Variants in KCND2 observed in about 807,000 individuals in gnomAD.
The protein encoded by KCND2 is potassium voltage-gated channel subfamily D member 2, also known as A-type voltage-gated potassium channel KCND2.
KCND2 carries 16 observed loss-of-function variants against 54.4 expected under a neutral mutation model. The ratio of observed to expected loss-of-function variants is 0.29; its 90% confidence interval spans 0.20 to 0.45. The LOEUF (loss-of-function observed/expected upper bound fraction) is 0.45. KCND2 is among the 20% of genes least tolerant of loss of function. KCND2 has a pLI of 1.00. For missense variants in KCND2, 486 were observed against 824.2 expected (o/e 0.59, Z 5.02); for synonymous variants, 317 against 310.7 (o/e 1.02, Z -0.21).
intron 1 of KCND2, among the ~76,000 whole-genome samples, chr7:120,375,755 G>T (rs112075804): frequency 6.6e-6 from 1 of 151,686 alleles, no homozygotes; most frequent in African/African-American, 2.4e-5. Context: ...ATCTATTTGC[G>T]TGGGTGTTGT....
intron 1 of KCND2, among the ~76,000 whole-genome samples, chr7:120,604,834 G>A (rs530035769): frequency 2.6e-5 from 4 of 152,146 alleles, no homozygotes; most frequent in Non-Finnish European, 4.4e-5. Context: ...ATTCATAAAT[G>A]TAACCTCTTA....
intron 1 of KCND2, among the ~76,000 whole-genome samples, chr7:120,493,777 CTG>C (rs757481988): frequency 6.6e-6 from 1 of 152,074 alleles, no homozygotes; most frequent in South Asian, 2.1e-4. Flanking sequence ...GGAGTGGAAA[CTG>C]GTACCACCAC....
chr7:120,295,387 C>CAG (rs1376136472), intron 1 of KCND2, among the ~76,000 whole-genome samples: 5 of 127,316 alleles, frequency 3.9e-5, no homozygotes, highest in African/African-American at 9.8e-5. Flanking sequence ...CACACACACA[C>CAG]ACACAGACAC....
chr7:120,488,391 G>T (rs1181821226), intron 1 of KCND2, among the ~76,000 whole-genome samples: 1 of 152,020 alleles, frequency 6.6e-6, no homozygotes, highest in Admixed American at 6.6e-5. Context: ...CTATAGATTT[G>T]TTTTGTTTTG....
chr7:120,741,634 A>G lies in KCND2; in HGVS notation c.1374+5A>G, dbSNP rs1344571321. 3 of 1,577,202 alleles carry G rather than the reference A, an allele frequency of 1.9e-6. No homozygotes were observed. The highest frequency in any genetic ancestry group is 2.6e-6 in the Non-Finnish European group (3 of 1,146,728). On this transcript the variant is annotated splice_donor_5th_base_variant and intron_variant, in intron 3 of 5. Coordinates refer to ENST00000331113, the MANE Select transcript of KCND2 (RefSeq NM_012281.3). ...TTACTCAGTAATCAGCTGCAGGTAC[A>G]ATCAATTACATCTCTTTTTTTAATG...
intron 1 of KCND2, among the ~76,000 whole-genome samples, chr7:120,638,635 T>A (rs1007328116): frequency 6.6e-6 from 1 of 152,086 alleles, no homozygotes; most frequent in African/African-American, 2.4e-5. Flanking sequence ...TGATGACAAA[T>A]GATTACCTCC....
At chr7:120,510,865 G>A (rs1259612427) in intron 1 of KCND2, among the ~76,000 whole-genome samples, 1 of 150,840 alleles carries the variant, frequency 6.6e-6, no homozygotes, top group Non-Finnish European at 1.5e-5. Flanking sequence ...CCAACCCCTG[G>A]CCACCTCCCC....
At chr7:120,550,291 A>C (rs1237133352) in intron 1 of KCND2, among the ~76,000 whole-genome samples, 1 of 152,062 alleles carries the variant, frequency 6.6e-6, no homozygotes, top group Non-Finnish European at 1.5e-5. Context: ...GAATAGAATT[A>C]TTATTTCTAT....
chr7:120,390,350 G>A (rs1801055163), intron 1 of KCND2, among the ~76,000 whole-genome samples: 2 of 152,026 alleles, frequency 1.3e-5, no homozygotes, highest in South Asian at 2.1e-4. Context: ...GACGATGAAG[G>A]TGATTATGGT....
intron 1 of KCND2, among the ~76,000 whole-genome samples, chr7:120,446,246 GA>G (rs1163730956): frequency 6.6e-6 from 1 of 152,124 alleles, no homozygotes; most frequent in Non-Finnish European, 1.5e-5. Context: ...GCAATTCAGA[GA>G]GATAGAGTTT....
At chr7:120,711,875 TAATC>T (rs1217795583) in intron 1 of KCND2, among the ~76,000 whole-genome samples, 3 of 152,180 alleles carry the variant, frequency 2.0e-5, no homozygotes, top group Non-Finnish European at 2.9e-5. Flanking sequence ...TACTGGGTGA[TAATC>T]AGGCAAGTCA....
At chr7:120,564,190 T>G (rs183838611) in intron 1 of KCND2, among the ~76,000 whole-genome samples, 2 of 152,290 alleles carry the variant, frequency 1.3e-5, no homozygotes, top group African/African-American at 2.4e-5. Context: ...TAAGGCAAAT[T>G]TTAATATATG....
At chr7:120,475,015 AC>A (rs1329694675) in intron 1 of KCND2, among the ~76,000 whole-genome samples, 1 of 152,138 alleles carries the variant, frequency 6.6e-6, no homozygotes, top group Admixed American at 6.5e-5. Flanking sequence ...TAAGGCCTTC[AC>A]TTTTAACAAT....
At chr7:120,576,736 CCA>C (rs1792439244) in intron 1 of KCND2, among the ~76,000 whole-genome samples, 1 of 152,060 alleles carries the variant, frequency 6.6e-6, no homozygotes, top group African/African-American at 2.4e-5. Flanking sequence ...TGAGAAGAAT[CCA>C]CAGATGATTA....
intron 1 of KCND2, among the ~76,000 whole-genome samples, chr7:120,702,050 A>G (rs1468719035): frequency 6.6e-6 from 1 of 152,214 alleles, no homozygotes; most frequent in Non-Finnish European, 1.5e-5. Flanking sequence ...TTCAAAAACT[A>G]TGTACCTGAC....
chr7:120,456,311 A>G (rs545877443), intron 1 of KCND2, among the ~76,000 whole-genome samples: 1 of 152,210 alleles, frequency 6.6e-6, no homozygotes, highest in Non-Finnish European at 1.5e-5. Flanking sequence ...CTCTACCATG[A>G]ACCCATCTCT....
At chr7:120,351,767 T>A (rs1049135902) in intron 1 of KCND2, among the ~76,000 whole-genome samples, 1 of 152,016 alleles carries the variant, frequency 6.6e-6, no homozygotes, top group Admixed American at 6.6e-5. Flanking sequence ...CTATATTCTC[T>A]GCTATTTTCT....
chr7:120,363,546 C>T (rs1266474600), intron 1 of KCND2, among the ~76,000 whole-genome samples: 4 of 152,072 alleles, frequency 2.6e-5, no homozygotes, highest in African/African-American at 9.7e-5. Context: ...AGAGCAACCA[C>T]TTCTCCTTGC....
intron 1 of KCND2, among the ~76,000 whole-genome samples, chr7:120,361,958 A>G (rs73431967): frequency 0.011 from 1,706 of 152,152 alleles, 38 homozygotes; most frequent in African/African-American, 0.039. Flanking sequence ...ATAAACATCA[A>G]TGGTTTTGGG....
Sources: allele counts gnomAD v4.1 joint callset (sites outside exome capture counted in the v4.1 genomes callset), GRCh38; gene constraint gnomAD v4.1.1; transcripts MANE v1.5; gene names NCBI Gene and HGNC (gene_info 2026-07-23, HGNC 2026-07-21).